Variants in SLIT3 observed in about 807,000 individuals in gnomAD.
The protein encoded by SLIT3 is slit homolog 3 protein.
In SLIT3, 68 loss-of-function variants were observed where a neutral mutation model predicts 184.0. That is an observed-to-expected ratio of 0.37 (90% confidence interval 0.30 to 0.45). The LOEUF is 0.45. SLIT3 is among the 20% of genes least tolerant of loss of function. The pLI is 1.00. For missense variants in SLIT3, 1,707 were observed against 2,026.0 expected, an observed-to-expected ratio of 0.84 and a Z score of 3.02; for synonymous variants, 831 against 828.6, an observed-to-expected ratio of 1.00 and a Z score of -0.05.
chr5:169,273,553 C>A (rs1426257734), intron 1 of SLIT3, among the ~76,000 whole-genome samples: 2 of 152,208 alleles, frequency 1.3e-5, no homozygotes, highest in Non-Finnish European at 2.9e-5. Context: ...TGCAGACCAA[C>A]TAAACCAGAA....
chr5:169,173,617 C>T (rs11744997), intron 4 of SLIT3, among the ~76,000 whole-genome samples: 18,703 of 152,230 alleles, frequency 0.12, 1,309 homozygotes, highest in South Asian at 0.24. Context: ...GCAGTCTTGA[C>T]GTCTCCTCCA....
intron 29 of SLIT3, among the ~76,000 whole-genome samples, chr5:168,689,822 G>A (rs1419002256): frequency 1.3e-5 from 2 of 152,208 alleles, no homozygotes; most frequent in African/African-American, 2.4e-5. Flanking sequence ...GATGGGAGAT[G>A]AAGGAGATAA....
intron 4 of SLIT3, among the ~76,000 whole-genome samples, chr5:168,884,040 C>A (rs952910692): frequency 1.3e-5 from 2 of 151,944 alleles, no homozygotes; most frequent in African/African-American, 4.8e-5. Flanking sequence ...GCTGGCTAAA[C>A]CTATGTCCCC....
chr5:168,756,059 C>T (rs1446707419), intron 16 of SLIT3, among the ~76,000 whole-genome samples: 1 of 152,214 alleles, frequency 6.6e-6, no homozygotes, highest in Non-Finnish European at 1.5e-5. Flanking sequence ...CCATCTTCTG[C>T]AAACAAGGAA....
chr5:169,251,374 C>T lies in SLIT3; in HGVS notation c.269+14G>A, dbSNP rs767172981. The T allele has an allele frequency of 2.3e-5, 37 of 1,588,886 alleles. No homozygotes were observed. The South Asian group carries it at 3.8e-4, about 16-fold the overall frequency. Reference sequence around the variant, plus strand: ...TAAAAATGAAAACACACTTGAGAGCCATCAACTACTTACAAGACTCGGAGG... The same window carrying T: ...TAAAAATGAAAACACACTTGAGAGCTATCAACTACTTACAAGACTCGGAGG... On this transcript the variant is annotated intron_variant, in intron 2 of 35. Transcript: ENST00000519560.
chr5:169,125,350 A>G (rs958253396), intron 4 of SLIT3, among the ~76,000 whole-genome samples: 2 of 152,200 alleles, frequency 1.3e-5, no homozygotes, highest in African/African-American at 4.8e-5. Context: ...CCCGGCCGCA[A>G]TTAGGTTTCT....
chr5:169,243,453 G>A (rs888290602), intron 3 of SLIT3, among the ~76,000 whole-genome samples: 17 of 152,126 alleles, frequency 1.1e-4, no homozygotes, highest in Non-Finnish European at 2.1e-4. Flanking sequence ...ATTTTCCCTT[G>A]CAAGAAATAA....
intron 4 of SLIT3, among the ~76,000 whole-genome samples, chr5:168,918,526 A>G (rs1000400107): frequency 6.6e-6 from 1 of 152,210 alleles, no homozygotes; most frequent in African/African-American, 2.4e-5. Context: ...ATTTTATAAG[A>G]GGTTTGTGAA....
At chr5:168,820,885 C>A (rs1280864554) in intron 7 of SLIT3, among the ~76,000 whole-genome samples, 1 of 152,150 alleles carries the variant, frequency 6.6e-6, no homozygotes, top group African/African-American at 2.4e-5. Context: ...TAAAAGCTTT[C>A]CTTTAGAAAT....
chr5:169,091,538 C>T (rs1352704426), intron 4 of SLIT3, among the ~76,000 whole-genome samples: 1 of 152,260 alleles, frequency 6.6e-6, no homozygotes, highest in Non-Finnish European at 1.5e-5. Flanking sequence ...CACTGTTGTA[C>T]AGCATTTTTC....
chr5:168,685,589 C>T (rs1761716862), intron 31 of SLIT3, 98 bp downstream of exon 31: 1 of 1,429,538 alleles, frequency 7.0e-7, no homozygotes, highest in African/African-American at 1.4e-5. Context: ...CCTGATGGTG[C>T]TTTACTGTTA....
At position 168,883,342 on chromosome 5, in the gene SLIT3, CAAG is replaced by C. The variant is rs764943616; in HGVS notation, c.414-9_414-7del. 11 of 1,611,994 alleles carry C rather than the reference CAAG, an allele frequency of 6.8e-6. No individual in the cohort carries two copies. Among genetic ancestry groups the C allele is most frequent in the African/African-American group, 2.7e-5 (2 of 74,890 alleles). ...TCTGGTTTTCACTCAAATCTCTAAACAAGAAGAGAAGAGGCACACTGCATTAAA... is the reference window on the plus strand; with the variant it reads ...TCTGGTTTTCACTCAAATCTCTAAACAAGAGAAGAGGCACACTGCATTAAA... On this transcript the variant is annotated splice_polypyrimidine_tract_variant and splice_region_variant and intron_variant, in intron 4 of 35. Transcript: ENST00000519560.
At chr5:169,003,638 G>A (rs888757040) in intron 4 of SLIT3, among the ~76,000 whole-genome samples, 1 of 152,222 alleles carries the variant, frequency 6.6e-6, no homozygotes, top group Non-Finnish European at 1.5e-5. Flanking sequence ...TGAGAGAAGA[G>A]TTTCGTCTCA....
chr5:168,823,448 T>C (rs1271374091), intron 6 of SLIT3, 117 bp from the exon 7 acceptor site: 16 of 786,886 alleles, frequency 2.0e-5, no homozygotes, highest in Non-Finnish European at 3.2e-5. Context: ...TCAACAGTCA[T>C]GGCCCAGCCA....
chr5:168,787,372 G>C (rs1163864065), intron 11 of SLIT3, among the ~76,000 whole-genome samples: 1 of 152,136 alleles, frequency 6.6e-6, no homozygotes, highest in Non-Finnish European at 1.5e-5. Flanking sequence ...ACCACTCCCT[G>C]GCAGGTGGAG....
intron 20 of SLIT3, among the ~76,000 whole-genome samples, chr5:168,738,211 G>A (rs184764539): frequency 1.3e-5 from 2 of 152,282 alleles, no homozygotes; most frequent in Admixed American, 1.3e-4. Flanking sequence ...GCCCTGTGTT[G>A]ACATTTGCAC....
chr5:168,739,183 T>C (rs1007512825), intron 20 of SLIT3, among the ~76,000 whole-genome samples: 1 of 152,100 alleles, frequency 6.6e-6, no homozygotes, highest in Non-Finnish European at 1.5e-5. Context: ...CCGATATTTT[T>C]CCATTGACCA....
At chr5:168,834,734 T>C (rs1474512792) in intron 6 of SLIT3, among the ~76,000 whole-genome samples, 1 of 74,916 alleles carries the variant, frequency 1.3e-5, no homozygotes, top group Non-Finnish European at 2.6e-5. Context: ...AAGATGGAGG[T>C]GGAAGGTGAG....
At chr5:168,969,213 C>T (rs1011967527) in intron 4 of SLIT3, among the ~76,000 whole-genome samples, 4 of 152,190 alleles carry the variant, frequency 2.6e-5, no homozygotes, top group African/African-American at 9.6e-5. Flanking sequence ...CCCACTGAGC[C>T]AATTCCTCTA....
Sources: allele counts gnomAD v4.1 joint callset (sites outside exome capture counted in the v4.1 genomes callset), GRCh38; gene constraint gnomAD v4.1.1; transcripts MANE v1.5; gene names NCBI Gene and HGNC (gene_info 2026-07-23, HGNC 2026-07-21).